The following POP4 variants were observed in gnomAD, a reference collection of about 807,000 sequenced individuals.
POP4 encodes the protein ribonuclease P protein subunit p29.
A neutral mutation model predicts 29.9 loss-of-function variants in POP4; 31 were observed. The observed-to-expected ratio is 1.04, with a 90% confidence interval of 0.78 to 1.40. The LOEUF (loss-of-function observed/expected upper bound fraction) is 1.40, where lower values mean the gene tolerates loss of function less well. Among genes scored for constraint, POP4 ranks in the 40% most tolerant of loss-of-function variants. The probability of loss-of-function intolerance (pLI) is 0.00; values close to 1 mark genes in which losing one functional copy is unlikely to be tolerated. For missense variants in POP4, 286 were observed against 282.7 expected (o/e 1.01, Z -0.08); for synonymous variants, 110 against 108.2 (o/e 1.02, Z -0.10).
In POP4 at chr19:29,608,670, T is replaced by C. The variant is rs531433288; in HGVS notation, c.21T>C (p.His7=). ...TTAATCCCCCAGGTGTGATCTACCA[T>C]GCATTGTCTCAGAAAGAGGCGAATG... The part of the protein sequence containing the change: MKSVIY[H]ALSQKEANDS... Residue 7 remains histidine (H), a synonymous_variant, in exon 2 of 7, where the codon CAT becomes CAC. Coordinates refer to ENST00000585603, the MANE Select transcript of POP4 (RefSeq NM_006627.3). 5.6e-6 allele frequency: 9 copies of C among 1,613,988 alleles called. No homozygotes were observed. The African/African-American group carries it at 8.0e-5, about 14-fold the overall frequency.
chr19:29,612,942 G>A (rs570830613), intron 5 of POP4, among the ~76,000 whole-genome samples: 7 of 152,272 alleles, frequency 4.6e-5, no homozygotes, highest in South Asian at 2.1e-4. Context: ...TTCTGGCAGC[G>A]TCCCATCGTA....
chr19:29,614,119 A>G, intron 6 of POP4, 147 bp downstream of exon 6: 1 of 1,423,858 alleles, frequency 7.0e-7, no homozygotes, highest in East Asian at 2.5e-5. Context: ...TAAAGCCTGC[A>G]GAGACCATCC....
chr19:29,610,573 C>G lies in POP4; in HGVS notation c.225C>G (p.Gly75=). The G allele has an allele frequency of 6.2e-7, 1 of 1,614,212 alleles. No homozygotes were observed. Among genetic ancestry groups the G allele is most frequent in the Non-Finnish European group, 8.5e-7 (1 of 1,180,042 alleles). The change falls in exon 3 of 7, where the codon GGC becomes GGG. Residue 75 remains glycine (G), a synonymous_variant. Transcript: ENST00000585603. The part of the protein sequence containing the change: ...KRKEKKKKAK[G]LSARQRRELR... ...AGGAGAAGAAGAAGAAAGCCAAAGGCCTCTCTGCCAGGCAAAGGAGGGAGC... is the reference window on the plus strand; with the variant it reads ...AGGAGAAGAAGAAGAAAGCCAAAGGGCTCTCTGCCAGGCAAAGGAGGGAGC...
chr19:29,608,347 G>C (rs1299869308), intron 1 of POP4, among the ~76,000 whole-genome samples: 1 of 138,090 alleles, frequency 7.2e-6, no homozygotes, highest in Non-Finnish European at 1.5e-5. Context: ...GCGCATTGCA[G>C]CCTCTGCCTC....
chr19:29,615,656 A>G lies in POP4; in HGVS notation c.*276A>G. 1 of 372,632 alleles carries G rather than the reference A, an allele frequency of 2.7e-6. No individual in the cohort carries two copies. Among genetic ancestry groups the G allele is most frequent in the Non-Finnish European group, 4.9e-6 (1 of 205,938 alleles). 23.1% of individuals were successfully genotyped at this position (372,632 alleles called of 1,614,324 possible). A position where few individuals can be genotyped will look rare whatever the true frequency, so the allele number is the denominator to read the frequency against. ...TGGCAGGAAGCACACCGGGGTTAAC[A>G]CTGGTTGACTTGAATAGGATTATTC... On this transcript the variant is annotated 3_prime_UTR_variant, in exon 7 of 7. Coordinates refer to ENST00000585603, the MANE Select transcript of POP4 (RefSeq NM_006627.3).
At chr19:29,608,221 TATAA>T (rs1971022991) in intron 1 of POP4, among the ~76,000 whole-genome samples, 2 of 120,088 alleles carry the variant, frequency 1.7e-5, no homozygotes, top group African/African-American at 3.1e-5. Context: ...GTTGTTCTGC[TATAA>T]GTGTAGAAGT....
intron 1 of POP4, 47 bp downstream of exon 1, chr19:29,606,372 G>C (rs754925805): frequency 6.3e-7 from 1 of 1,585,816 alleles, no homozygotes; most frequent in Non-Finnish European, 8.6e-7. Context: ...GTTAAGGGTC[G>C]GGGTCTTGGT....
In POP4 at chr19:29,610,033, T is replaced by C. The variant is rs1250363239; in HGVS notation, c.61-376T>C. Among the ~76,000 whole-genome samples, 3 of 152,262 alleles carry C rather than the reference T, an allele frequency of 2.0e-5. No homozygotes were observed. The East Asian group carries it at 5.8e-4, about 29-fold the overall frequency. ...CTCTGAGCTCACTTTCATCTGGTCA[T>C]GCCTGGTTGAATATATTTGTTATAC... On this transcript the variant is annotated intron_variant, in intron 2 of 6. Transcript: ENST00000585603.
At chr19:29,608,607 T>TA (rs756548899) in intron 1 of POP4, 50 bp from the exon 2 acceptor site, 2 of 1,556,148 alleles carry the variant, frequency 1.3e-6, no homozygotes, top group Non-Finnish European at 1.8e-6. Context: ...TCTTGGGTCT[T>TA]ACAGCCATAC....
At chr19:29,608,634 A>G (rs1426694556) in intron 1 of POP4, 23 bp from the exon 2 acceptor site, 8 of 1,609,756 alleles carry the variant, frequency 5.0e-6, no homozygotes, top group Non-Finnish European at 6.8e-6. Flanking sequence ...AGAATTGATC[A>G]TTTCTTTTTT....
intron 1 of POP4, among the ~76,000 whole-genome samples, chr19:29,608,456 G>A (rs547723601): frequency 9.2e-5 from 14 of 151,764 alleles, no homozygotes; most frequent in South Asian, 2.1e-4. Context: ...TAGTAGAGAC[G>A]GGGTTTCACC....
chr19:29,612,279 G>T (rs111763178), intron 5 of POP4, 101 bp downstream of exon 5: 1 of 1,142,116 alleles, frequency 8.8e-7, no homozygotes, highest in Non-Finnish European at 1.2e-6. Context: ...ACTCTTTACC[G>T]TGTGGATTCC....
chr19:29,607,470 A>C (rs11882040), intron 1 of POP4, among the ~76,000 whole-genome samples: 32 of 119,036 alleles, frequency 2.7e-4, no homozygotes, highest in East Asian at 1.0e-3. Context: ...CAAACAACAA[A>C]AAAAAAAAAC....
chr19:29,615,276 G>A lies in POP4; in HGVS notation c.559G>A (p.Glu187Lys). The change falls in exon 7 of 7, where the codon GAA becomes AAA. Residue 187 changes from glutamate to lysine, a missense_variant. Physicochemically the swap from Glu to Lys is moderately conservative, Grantham distance 56. Transcript: ENST00000585603. Reference protein sequence around the residue: ...IPKLNCVFTVETDGFISYIYG... With the variant: ...IPKLNCVFTVKTDGFISYIYG... Reference sequence around the variant, plus strand: ...CAAGCTAAACTGCGTGTTCACTGTGGAAACCGATGGCTTTATTTCCTACAT... The same window carrying A: ...CAAGCTAAACTGCGTGTTCACTGTGAAAACCGATGGCTTTATTTCCTACAT... The A allele has an allele frequency of 6.2e-7, 1 of 1,605,550 alleles. No homozygotes were observed. Among genetic ancestry groups the A allele is most frequent in the Non-Finnish European group, 8.5e-7 (1 of 1,177,186 alleles).
intron 1 of POP4, among the ~76,000 whole-genome samples, chr19:29,607,207 G>A (rs1371562234): frequency 6.6e-6 from 1 of 152,062 alleles, no homozygotes; most frequent in East Asian, 1.9e-4. Context: ...GCTGAGGCAG[G>A]GGGATCACTT....
Position 29,610,567 on chromosome 19 carries a change from CAAAG to C in POP4, c.220_223del (p.Lys74AlafsTer51), listed in dbSNP as rs769610068. 1 of 1,614,202 alleles carries C rather than the reference CAAAG, an allele frequency of 6.2e-7. No individual in the cohort carries two copies. The highest frequency in any genetic ancestry group is 1.1e-5 in the South Asian group (1 of 91,090). On this transcript the variant is annotated frameshift_variant, in exon 3 of 7. Transcript: ENST00000585603. LOFTEE classifies it high-confidence loss of function. Reference sequence around the variant, plus strand: ...AGCGCAAGGAGAAGAAGAAGAAAGCCAAAGGCCTCTCTGCCAGGCAAAGGAGGGA... The same window carrying C: ...AGCGCAAGGAGAAGAAGAAGAAAGCCGCCTCTCTGCCAGGCAAAGGAGGGA...
chr19:29,610,662 C>G lies in POP4; in HGVS notation c.284+30C>G, dbSNP rs749411217. ...CCCGAGCTCCCCACGTCTTTCTGCC[C>G]GCGGTGCTTACCCTTCTTGGTGTGT... On this transcript the variant is annotated intron_variant, in intron 3 of 6. Coordinates refer to ENST00000585603, the MANE Select transcript of POP4 (RefSeq NM_006627.3). 10 of 1,601,458 alleles carry G rather than the reference C, an allele frequency of 6.2e-6. No individual in the cohort carries two copies. In the South Asian group the frequency reaches 6.7e-5, roughly 11 times the overall value.
chr19:29,608,546 A>C (rs374309342), intron 1 of POP4, 111 bp from the exon 2 acceptor site: 1 of 1,065,840 alleles, frequency 9.4e-7, no homozygotes, highest in African/African-American at 1.6e-5. Context: ...CTAGGACTAC[A>C]GGTATGAGCC....
chr19:29,615,412 C>T lies in POP4; in HGVS notation c.*32C>T, dbSNP rs768398213. 1.2e-6 allele frequency: 2 copies of T among 1,602,500 alleles called. No homozygotes were observed. Among genetic ancestry groups the T allele is most frequent in the East Asian group, 2.2e-5 (1 of 44,660 alleles). ...TGCCGTCTAAGGCAGTTGTTTATGA[C>T]AGCTGAAAACTGGACACTCCCTAAA... On this transcript the variant is annotated 3_prime_UTR_variant, in exon 7 of 7. Transcript: ENST00000585603.
Sources: allele counts gnomAD v4.1 joint callset (sites outside exome capture counted in the v4.1 genomes callset), GRCh38; gene constraint gnomAD v4.1.1; transcripts MANE v1.5; gene names NCBI Gene and HGNC (gene_info 2026-07-23, HGNC 2026-07-21).